Variants in RBFOX3 observed in about 807,000 individuals in gnomAD.
RBFOX3 encodes the protein RNA binding fox-1 homolog 3, also known as RNA binding protein fox-1 homolog 3.
RBFOX3 carries 17 observed loss-of-function variants against 48.7 expected under a neutral mutation model. The ratio of observed to expected loss-of-function variants is 0.35; its 90% CI spans 0.24 to 0.52. RBFOX3 has a LOEUF of 0.52. RBFOX3 is among the 20% of genes least tolerant of loss of function. The pLI is 0.94. For synonymous variants in RBFOX3, 212 were observed against 209.5 expected (o/e 1.01, Z -0.10); for missense variants, 382 against 497.5 (o/e 0.77, Z 2.21).
At chr17:79,281,228 C>T (rs1336544140) in intron 3 of RBFOX3, among the ~76,000 whole-genome samples, 1 of 152,310 alleles carries the variant, frequency 6.6e-6, no homozygotes, top group East Asian at 1.9e-4. Context: ...GATGGGACTA[C>T]CCAGGTGCCT....
intron 3 of RBFOX3, among the ~76,000 whole-genome samples, chr17:79,294,469 C>T (rs2073976144): frequency 6.6e-6 from 1 of 152,128 alleles, no homozygotes; most frequent in Admixed American, 6.6e-5. Flanking sequence ...TGCCACCACG[C>T]CCAGCTAATT....
At chr17:79,642,960 G>T in the RBFOX3 span, among the ~76,000 whole-genome samples, 5 of 152,132 alleles carry the variant, frequency 3.3e-5, no homozygotes, top group African/African-American at 1.2e-4. Flanking sequence ...AAATTAGCCT[G>T]GCATAGTGGT....
chr17:79,616,240 A>C, the RBFOX3 span, among the ~76,000 whole-genome samples: 1 of 152,168 alleles, frequency 6.6e-6, no homozygotes, highest in Non-Finnish European at 1.5e-5. Context: ...CTCCTTGTTA[A>C]GAATGGATCT....
intron 2 of RBFOX3, among the ~76,000 whole-genome samples, chr17:79,376,931 C>T (rs1246580724): frequency 3.3e-5 from 5 of 152,064 alleles, no homozygotes; most frequent in Non-Finnish European, 7.4e-5. Context: ...TCAGTGCCAC[C>T]CCAGCCTGGA....
chr17:79,106,006 C>A (rs10459887), intron 6 of RBFOX3, among the ~76,000 whole-genome samples: 17,548 of 152,260 alleles, frequency 0.12, 1,307 homozygotes, highest in East Asian at 0.24. Context: ...CAGCCCTGCA[C>A]GTTCTCACGG....
In RBFOX3 at chr17:79,198,559, A is replaced by C. The variant is rs562662443; in HGVS notation, c.-34+37207T>G. Among the ~76,000 whole-genome samples the C allele has an allele frequency of 3.5e-4, 53 of 152,104 alleles. 1 individual carries two copies. The highest frequency in any genetic ancestry group is 7.2e-4 in the Non-Finnish European group (49 of 68,002). On this transcript the variant is annotated intron_variant, in intron 4 of 14. Coordinates refer to ENST00000693108, the MANE Select transcript of RBFOX3 (RefSeq NM_001350451.2). This position sits in a 1 kb window ranked among gnomAD's most constrained non-coding sequence, Gnocchi z 8.2. ...ACAGACTTTCCAGGATGTATTGCCC[A>C]TGCCACTCGTCACTCTGATAGGACT...
intron 2 of RBFOX3, among the ~76,000 whole-genome samples, chr17:79,397,845 T>G (rs2148346479): frequency 6.6e-6 from 1 of 152,240 alleles, no homozygotes; most frequent in South Asian, 2.1e-4. Context: ...GCCTTGACAG[T>G]TCGATGCCAG....
chr17:79,330,230 C>G (rs1040531385), intron 2 of RBFOX3, among the ~76,000 whole-genome samples: 1 of 152,194 alleles, frequency 6.6e-6, no homozygotes, highest in Non-Finnish European at 1.5e-5. Flanking sequence ...GCCCCCTGAC[C>G]CCCGGTAGAG....
chr17:79,278,314 G>T (rs1023227696), intron 3 of RBFOX3, among the ~76,000 whole-genome samples: 5 of 152,220 alleles, frequency 3.3e-5, no homozygotes, highest in South Asian at 4.1e-4. Flanking sequence ...CCCCTCCTCA[G>T]AATAGCTGAG....
At chr17:79,308,634 TG>T (rs1465804989) in intron 2 of RBFOX3, among the ~76,000 whole-genome samples, 1 of 152,076 alleles carries the variant, frequency 6.6e-6, no homozygotes, top group Non-Finnish European at 1.5e-5. Context: ...TATTTGAAGG[TG>T]GGGCCTTTGG....
At chr17:79,522,830 T>C (rs1208600901) in intron 1 of RBFOX3, among the ~76,000 whole-genome samples, 2 of 147,046 alleles carry the variant, frequency 1.4e-5, no homozygotes. Flanking sequence ...CTAGGGAGGC[T>C]GAGGCAGGAG....
intron 2 of RBFOX3, among the ~76,000 whole-genome samples, chr17:79,309,350 C>G (rs536401880): frequency 1.8e-5 from 2 of 111,574 alleles, no homozygotes; most frequent in Non-Finnish European, 4.4e-5. Flanking sequence ...CCTCTCCCAC[C>G]CCGTGGCTCT....
chr17:79,378,145 G>C (rs1221626081), intron 2 of RBFOX3, among the ~76,000 whole-genome samples: 1 of 152,050 alleles, frequency 6.6e-6, no homozygotes, highest in Non-Finnish European at 1.5e-5. Context: ...GGCGCATCAG[G>C]GGTCCCAGCG....
At chr17:79,331,476 A>T (rs1409421438) in intron 2 of RBFOX3, among the ~76,000 whole-genome samples, 6 of 152,066 alleles carry the variant, frequency 3.9e-5, no homozygotes, top group Admixed American at 3.9e-4. Context: ...GACCCAACAC[A>T]AATGTTTCGC....
At chr17:79,662,742 C>A in the RBFOX3 span, among the ~76,000 whole-genome samples, 1 of 152,032 alleles carries the variant, frequency 6.6e-6, no homozygotes, top group African/African-American at 2.4e-5. Context: ...TGTAGAAACC[C>A]AATAAAAAGT....
intron 2 of RBFOX3, among the ~76,000 whole-genome samples, chr17:79,381,785 G>A (rs2059957433): frequency 3.3e-5 from 5 of 152,162 alleles, no homozygotes; most frequent in Admixed American, 2.6e-4. Context: ...AGGCCTCAGC[G>A]CCTTCCTTTC....
In RBFOX3 at chr17:79,588,256, G is replaced by A. The variant is rs961339052; in HGVS notation, c.-320+22570C>T. On this transcript the variant is annotated intron_variant, in intron 1 of 14. Coordinates refer to ENST00000693108, the MANE Select transcript of RBFOX3 (RefSeq NM_001350451.2). The stretch of plus-strand genomic sequence containing the variant: ...ATAAACAAATGGTTTTGAGCCTTAC[G>A]TGAGCCAGGCCCAAGACTGGGCATT... Among the ~76,000 whole-genome samples, 303 of 152,296 alleles carry A rather than the reference G, an allele frequency of 2.0e-3. 1 individual carries two copies. The highest frequency in any genetic ancestry group is 0.01 in the Middle Eastern group (3 of 294).
intron 2 of RBFOX3, among the ~76,000 whole-genome samples, chr17:79,463,182 TCGCCACTGCCAC>T (rs1351359073): frequency 4.9e-3 from 211 of 43,488 alleles, no homozygotes; most frequent in African/African-American, 5.7e-3. Flanking sequence ...TCCACCGCCA[TCGCCACTGCCAC>T]CGCCATCGCC....
chr17:79,164,235 G>A (rs1158730300), intron 4 of RBFOX3, among the ~76,000 whole-genome samples: 1 of 152,202 alleles, frequency 6.6e-6, no homozygotes, highest in African/African-American at 2.4e-5. Flanking sequence ...TGGCGGTAGC[G>A]CCTGGGCAGA....
Sources: allele counts gnomAD v4.1 joint callset (sites outside exome capture counted in the v4.1 genomes callset), GRCh38; gene constraint gnomAD v4.1.1; non-coding constraint Gnocchi (gnomAD v3.1); transcripts MANE v1.5; gene names NCBI Gene and HGNC (gene_info 2026-07-23, HGNC 2026-07-21).